Variants in CLN6 observed in about 807,000 individuals in gnomAD.
CLN6 encodes ceroid-lipofuscinosis neuronal protein 6.
In CLN6, 22 loss-of-function variants were observed where a neutral mutation model predicts 33.3. The ratio of observed to expected loss-of-function variants is 0.66; its 90% CI spans 0.47 to 0.94. CLN6 has a LOEUF of 0.94. Among genes scored for constraint, CLN6 ranks in the 40% least tolerant of loss-of-function variants. The pLI, the probability that CLN6 is intolerant of heterozygous loss-of-function variation, is 0.00. For synonymous variants in CLN6, 201 were observed against 174.6 expected (o/e 1.15, Z -1.19); for missense variants, 387 against 417.1 (o/e 0.93, Z 0.63).
rs1225581287 is a variant in CLN6, at chr15:68,208,533, C to T, written c.666-123G>A. The stretch of plus-strand genomic sequence containing the variant: ...GCAGAAGAGTCCTCTGGTGCCAGGG[C>T]TCAGAGAACTATGCCGCTCTAAGCC... On this transcript the variant is annotated intron_variant, in intron 6 of 6. Coordinates refer to ENST00000249806, the MANE Select transcript of CLN6 (RefSeq NM_017882.3). This position sits in a 1 kb window ranked among gnomAD's most constrained non-coding sequence, Gnocchi z 5.8. 17 of 1,011,326 alleles carry T rather than the reference C, an allele frequency of 1.7e-5. No homozygotes were observed. Among genetic ancestry groups the T allele is most frequent in the Admixed American group, 6.1e-5 (3 of 48,956 alleles). The allele number at this position is 1,011,326 out of a possible 1,614,324, so 62.6% of individuals were successfully genotyped here. A position where few individuals can be genotyped will look rare whatever the true frequency, so the allele number is the denominator to read the frequency against.
At chr15:68,223,002 G>A (rs1184576042) in intron 1 of CLN6, among the ~76,000 whole-genome samples, 1 of 152,030 alleles carries the variant, frequency 6.6e-6, no homozygotes, top group Non-Finnish European at 1.5e-5. Flanking sequence ...AGGCTGCAGG[G>A]TCCTCTGCCT....
rs1031889584 is a variant in CLN6 at position 68,251,317 on chromosome 15, A to T, written c.179+5373T>A. Among the ~76,000 whole-genome samples the T allele has an allele frequency of 2.6e-5, 4 of 152,222 alleles. No individual in the cohort carries two copies. The East Asian group carries it at 5.8e-4, about 22-fold the overall frequency. On this transcript the variant is annotated intron_variant, in intron 1 of 6. Coordinates refer to the CLN6 transcript ENST00000538696. ...CTTCCTATTGTTAAAGGTTATTTTTAAAAAGCCTATAATCTTCATCATTCT... is the reference window on the plus strand; with the variant it reads ...CTTCCTATTGTTAAAGGTTATTTTTTAAAAGCCTATAATCTTCATCATTCT...
At position 68,207,898 on chromosome 15, in the gene CLN6, C is replaced by T; in HGVS notation, c.*242G>A. On this transcript the variant is annotated 3_prime_UTR_variant, in exon 7 of 7. Transcript: ENST00000249806. ...GAAACACTCTAAAACAGAATCCGAT[C>T]CTGAGATGATCCAAATCAAACAGAA... is the stretch of plus-strand genomic sequence containing the variant. The T allele has an allele frequency of 1.7e-6, 1 of 578,410 alleles. No homozygotes were observed. The highest frequency in any genetic ancestry group is 3.1e-6 in the Non-Finnish European group (1 of 324,664). 35.8% of individuals were successfully genotyped at this position (578,410 alleles called of 1,614,324 possible).
intron 1 of CLN6, among the ~76,000 whole-genome samples, chr15:68,245,821 C>T (rs1310605281): frequency 1.3e-5 from 2 of 151,920 alleles, no homozygotes; most frequent in Non-Finnish European, 2.9e-5. Context: ...GAATAAGAAA[C>T]CCAACTTACC....
chr15:68,207,583 T>C lies in CLN6; in HGVS notation c.*557A>G, dbSNP rs959439140. Reference sequence around the variant, plus strand: ...AGGGGTGTCAGCAACCCCAACCTACTGACCTACTTTGGGACCACAGGCCCA... The same window carrying C: ...AGGGGTGTCAGCAACCCCAACCTACCGACCTACTTTGGGACCACAGGCCCA... On this transcript the variant is annotated 3_prime_UTR_variant, in exon 7 of 7. Coordinates refer to ENST00000249806, the MANE Select transcript of CLN6 (RefSeq NM_017882.3). 1 of 183,732 alleles carries C rather than the reference T, an allele frequency of 5.4e-6. No homozygotes were observed. The highest frequency in any genetic ancestry group is 1.1e-4 in the South Asian group (1 of 8,938). 11.4% of individuals were successfully genotyped at this position (183,732 alleles called of 1,614,324 possible). A position where few individuals can be genotyped will look rare whatever the true frequency, so the allele number is the denominator to read the frequency against.
intron 1 of CLN6, among the ~76,000 whole-genome samples, chr15:68,255,216 G>A (rs1892421182): frequency 6.6e-6 from 1 of 152,108 alleles, no homozygotes; most frequent in Non-Finnish European, 1.5e-5. Context: ...CTCGTGGGAC[G>A]GAAAAACAAA....
intron 1 of CLN6, among the ~76,000 whole-genome samples, chr15:68,237,583 A>C (rs1315158221): frequency 6.6e-6 from 1 of 152,224 alleles, no homozygotes; most frequent in African/African-American, 2.4e-5. Flanking sequence ...TGGTAAACCA[A>C]AAGACAGATT....
In CLN6 at chr15:68,219,562, T is replaced by C. The variant is rs1015773526; in HGVS notation, c.84-912A>G. Among the ~76,000 whole-genome samples the C allele has an allele frequency of 2.6e-5, 4 of 152,172 alleles. No homozygotes were observed. The highest frequency in any genetic ancestry group is 5.9e-5 in the Non-Finnish European group (4 of 68,028). On this transcript the variant is annotated intron_variant, in intron 1 of 6. Transcript: ENST00000249806. The surrounding 1 kb of genome is among the most constrained non-coding windows in gnomAD (Gnocchi z 4.2). ...AGATGCACTGAAGTTCCAGGACCAG[T>C]GCTGCCTCCTCTGGGAAGGCTTCCC...
rs1892319106 is a variant in CLN6 at position 68,245,213 on chromosome 15, GT to G, written c.179+11476del. 4.0e-5 allele frequency among the ~76,000 whole-genome samples: 6 copies of G among 151,322 alleles called. No homozygotes were observed. In the South Asian group the frequency reaches 1.3e-3, roughly 32 times the overall value. Reference sequence around the variant, plus strand: ...ATCATCTCTTTAAAATAAGTTATCGGTTTTTTTGTAAGCACCATGGTAACCA... The same window carrying G: ...ATCATCTCTTTAAAATAAGTTATCGGTTTTTTGTAAGCACCATGGTAACCA... On this transcript the variant is annotated intron_variant, in intron 1 of 6. Coordinates refer to the CLN6 transcript ENST00000538696.
In CLN6 at chr15:68,246,328, G is replaced by A. The variant is rs911288602; in HGVS notation, c.179+10362C>T. On this transcript the variant is annotated intron_variant, in intron 1 of 6. Transcript: ENST00000538696. The surrounding 1 kb of genome is among the most constrained non-coding windows in gnomAD (Gnocchi z 4.5). ...GACTATATCTTAGGCTACAAAACAA[G>A]TCTGAACAAATTCAATAAAGTAGAA... 6.6e-6 allele frequency among the ~76,000 whole-genome samples: 1 copy of A among 152,136 alleles called. No homozygotes were observed. The highest frequency in any genetic ancestry group is 3.4e-3 in the Middle Eastern group (1 of 294).
rs1270716703 is a variant in CLN6, at chr15:68,219,398, G to A, written c.84-748C>T. ...TGGGCTGCTGGTAATCCTCTTCTCA[G>A]CAGTCCACAGTAGAACCTGAGAAGG... On this transcript the variant is annotated intron_variant, in intron 1 of 6. Coordinates refer to ENST00000249806, the MANE Select transcript of CLN6 (RefSeq NM_017882.3). The surrounding 1 kb of genome is among the most constrained non-coding windows in gnomAD (Gnocchi z 4.2). 6.6e-6 allele frequency among the ~76,000 whole-genome samples: 1 copy of A among 152,166 alleles called. No homozygotes were observed. The highest frequency in any genetic ancestry group is 1.5e-5 in the Non-Finnish European group (1 of 68,044).
intron 3 of CLN6, 174 bp downstream of exon 3, chr15:68,214,116 C>G (rs1221069762): frequency 3.3e-6 from 2 of 605,488 alleles, no homozygotes; most frequent in African/African-American, 3.7e-5. Flanking sequence ...AGGCCACCGG[C>G]AGCTCCGCCT....
At chr15:68,237,151 G>A (rs1013125055) in intron 1 of CLN6, among the ~76,000 whole-genome samples, 21 of 101,854 alleles carry the variant, frequency 2.1e-4, no homozygotes, top group African/African-American at 8.4e-4. Flanking sequence ...GCGACAGAGC[G>A]AGACTCCGTC....
Position 68,210,567 on chromosome 15 carries a change from C to T in CLN6, c.542+696G>A, listed in dbSNP as rs1329026456. Among the ~76,000 whole-genome samples the T allele has an allele frequency of 6.6e-6, 1 of 152,208 alleles. No individual in the cohort carries two copies. Among genetic ancestry groups the T allele is most frequent in the Non-Finnish European group, 1.5e-5 (1 of 68,022 alleles). ...GTGAGCCGGGTCCAGGGCTGGCCCT[C>T]ACCTCCCAGCTGCAGCCTTCGGAGC... is the stretch of plus-strand genomic sequence containing the variant. On this transcript the variant is annotated intron_variant, in intron 5 of 6. Coordinates refer to ENST00000249806, the MANE Select transcript of CLN6 (RefSeq NM_017882.3). The surrounding 1 kb of genome is among the most constrained non-coding windows in gnomAD (Gnocchi z 5.6).
upstream of CLN6, among the ~76,000 whole-genome samples, chr15:68,233,244 G>C (rs530131714): frequency 6.9e-6 from 1 of 144,218 alleles, no homozygotes; most frequent in South Asian, 2.4e-4. The surrounding 1 kb of genome is among the most constrained non-coding windows in gnomAD (Gnocchi z 4.3). Flanking sequence ...CTGCTTCTTT[G>C]GAAACCTGGG....
Position 68,212,080 on chromosome 15 carries a change from C to T in CLN6, c.298-217G>A, listed in dbSNP as rs1332243365. ...AATGTGGAGCAGCACCCCCCGCTGA[C>T]TTTACCCAGGGAGCAAAAAGACCAG... On this transcript the variant is annotated intron_variant, in intron 3 of 6. Transcript: ENST00000249806. The T allele has an allele frequency of 1.0e-5, 6 of 591,458 alleles. No homozygotes were observed. The Admixed American group carries it at 1.8e-4, about 18-fold the overall frequency. The allele number at this position is 591,458 out of a possible 1,614,324, so 36.6% of individuals were successfully genotyped here. A position where few individuals can be genotyped will look rare whatever the true frequency, so the allele number is the denominator to read the frequency against.
Position 68,229,650 on chromosome 15 carries a change from G to T in CLN6, c.-66C>A. The stretch of plus-strand genomic sequence containing the variant: ...GAGACCGGTTCAGCTCGGCTGCCCC[G>T]GCGGAGGCCGCCGCAAATTCCCAGC... On this transcript the variant is annotated 5_prime_UTR_variant, in exon 1 of 7. Coordinates refer to ENST00000249806, the MANE Select transcript of CLN6 (RefSeq NM_017882.3). 7.8e-7 allele frequency: 1 copy of T among 1,289,476 alleles called. No individual in the cohort carries two copies. The highest frequency in any genetic ancestry group is 1.0e-6 in the Non-Finnish European group (1 of 991,124). The allele number at this position is 1,289,476 out of a possible 1,614,324, so 79.9% of individuals were successfully genotyped here.
At chr15:68,214,497 C>A (rs1397078178) in intron 2 of CLN6, 109 bp from the exon 3 acceptor site, 3 of 733,780 alleles carry the variant, frequency 4.1e-6, no homozygotes, top group South Asian at 2.9e-5. Context: ...TTTCACCCCC[C>A]ACCCCATCAT....
At chr15:68,255,602 G>T (rs1163062326) in intron 1 of CLN6, among the ~76,000 whole-genome samples, 1 of 152,204 alleles carries the variant, frequency 6.6e-6, no homozygotes, top group Non-Finnish European at 1.5e-5. Context: ...GTCCTTTGAA[G>T]AAGGGAGTTT....
Sources: gnomAD v4.1 joint callset for allele counts (sites outside exome capture counted in the v4.1 genomes callset) on GRCh38, gnomAD v4.1.1 for gene constraint, Gnocchi (gnomAD v3.1) non-coding constraint, MANE v1.5 for transcripts, NCBI Gene and HGNC (gene_info 2026-07-23, HGNC 2026-07-21) for gene names.